The following SNX29 variants were observed in gnomAD, a reference collection of about 807,000 sequenced individuals.
SNX29 encodes sorting nexin 29, also known as sorting nexin-29.
A neutral mutation model predicts 102.1 loss-of-function variants in SNX29; 78 were observed. That is an observed-to-expected ratio of 0.76 (90% CI 0.64 to 0.92). SNX29 has a LOEUF of 0.92. SNX29 is among the 40% of genes least tolerant of loss of function. The pLI, the probability that SNX29 is intolerant of heterozygous loss-of-function variation, is 0.00. For missense variants in SNX29, 1,280 were observed against 1,061.7 expected (o/e 1.21, Z -2.86); for synonymous variants, 580 against 414.5 (o/e 1.40, Z -4.85).
At chr16:12,540,702 A>G (rs1282486114) in intron 20 of SNX29, among the ~76,000 whole-genome samples, 2 of 152,152 alleles carry the variant, frequency 1.3e-5, no homozygotes, top group African/African-American at 4.8e-5. Context: ...AAGCTCACAT[A>G]TGAAGACGCT....
chr16:12,099,307 C>T (rs1464796444), intron 11 of SNX29, among the ~76,000 whole-genome samples: 16 of 152,188 alleles, frequency 1.1e-4, no homozygotes, highest in Admixed American at 1.0e-3. Context: ...TCTTGTACTG[C>T]CCTTCTCCCT....
chr16:12,563,671 A>C (rs1193009941), intron 20 of SNX29, among the ~76,000 whole-genome samples: 2 of 152,144 alleles, frequency 1.3e-5, no homozygotes, highest in African/African-American at 2.4e-5. Context: ...ATTCCCCGAG[A>C]GCCCATGATG....
At chr16:12,552,978 G>C (rs543177499) in intron 20 of SNX29, among the ~76,000 whole-genome samples, 1 of 152,258 alleles carries the variant, frequency 6.6e-6, no homozygotes, top group Admixed American at 6.5e-5. Flanking sequence ...GAGTGCAGCA[G>C]GCACTGTCTG....
intron 15 of SNX29, among the ~76,000 whole-genome samples, chr16:12,312,739 A>G (rs541671876): frequency 2.6e-5 from 4 of 152,086 alleles, no homozygotes; most frequent in Non-Finnish European, 5.9e-5. Flanking sequence ...TTATAGGCCA[A>G]ATAACTTCCA....
In SNX29 at chr16:12,339,380, A is replaced by AAG. The variant is rs1243809874; in HGVS notation, c.1783-16782_1783-16781insGA. On this transcript the variant is annotated intron_variant, in intron 15 of 20. Transcript: ENST00000566228. ...AGTGAGATTCTGTCTCAAAAAAAAA[A>AAG]AAAAAAAAAAAAAAGATTATGGGTA... is the stretch of plus-strand genomic sequence containing the variant. 4.0e-5 allele frequency among the ~76,000 whole-genome samples: 6 copies of AAG among 150,736 alleles called. No individual in the cohort carries two copies. In the South Asian group the frequency reaches 1.3e-3, roughly 31 times the overall value.
intron 18 of SNX29, among the ~76,000 whole-genome samples, chr16:12,410,397 C>T (rs183691650): frequency 6.6e-6 from 1 of 152,104 alleles, no homozygotes; most frequent in Non-Finnish European, 1.5e-5. Flanking sequence ...AGTATCTGAA[C>T]TCTTCCCATC....
chr16:12,236,474 G>A (rs1181975008), intron 14 of SNX29, among the ~76,000 whole-genome samples: 1 of 152,196 alleles, frequency 6.6e-6, no homozygotes, highest in Admixed American at 6.5e-5. Context: ...TGCAATGGTT[G>A]GTGCCTAGAA....
chr16:12,539,926 G>C (rs764481246), intron 20 of SNX29, among the ~76,000 whole-genome samples: 7 of 152,288 alleles, frequency 4.6e-5, no homozygotes, highest in Admixed American at 2.0e-4. Context: ...GGAGTTCTTT[G>C]TATATGTTAG....
chr16:12,094,352 C>T (rs1410111676), intron 11 of SNX29, among the ~76,000 whole-genome samples: 1 of 152,196 alleles, frequency 6.6e-6, no homozygotes, highest in Non-Finnish European at 1.5e-5. Context: ...ATTAACAACA[C>T]CCTCAAAGGG....
chr16:12,508,146 C>T (rs1212319183), intron 19 of SNX29, among the ~76,000 whole-genome samples: 1 of 152,162 alleles, frequency 6.6e-6, no homozygotes, highest in Non-Finnish European at 1.5e-5. Context: ...CAGTAGCTGC[C>T]GTATTTTGAG....
chr16:12,156,074 C>A (rs572586178), intron 13 of SNX29, among the ~76,000 whole-genome samples: 2 of 152,244 alleles, frequency 1.3e-5, no homozygotes, highest in South Asian at 2.1e-4. Flanking sequence ...TGGCGCACAC[C>A]CCCCCACATC....
intron 13 of SNX29, among the ~76,000 whole-genome samples, chr16:12,139,979 T>TAA (rs144110763): frequency 1.6e-4 from 10 of 63,026 alleles, no homozygotes; most frequent in East Asian, 4.6e-4. Context: ...ATACCCTGTC[T>TAA]CAAAAAAAAA....
intron 19 of SNX29, among the ~76,000 whole-genome samples, chr16:12,483,197 T>C (rs2088051982): frequency 6.8e-6 from 1 of 146,530 alleles, no homozygotes; most frequent in African/African-American, 2.6e-5. Context: ...TTTGTAGAGA[T>C]GGCATTTCAC....
intron 18 of SNX29, among the ~76,000 whole-genome samples, chr16:12,424,546 T>C (rs1180753544): frequency 6.6e-6 from 1 of 152,192 alleles, no homozygotes; most frequent in Non-Finnish European, 1.5e-5. Context: ...TATTACTAAT[T>C]ACATCTAAAA....
chr16:12,540,890 C>A (rs949424255), intron 20 of SNX29, among the ~76,000 whole-genome samples: 1 of 152,226 alleles, frequency 6.6e-6, no homozygotes, highest in African/African-American at 2.4e-5. Context: ...GGACCCAGAG[C>A]TGGAGGGCTT....
intron 5 of SNX29, among the ~76,000 whole-genome samples, 184 bp from the exon 6 acceptor site, chr16:12,046,200 T>C (rs546512679): frequency 2.8e-3 from 425 of 152,300 alleles, no homozygotes; most frequent in Non-Finnish European, 4.6e-3. Context: ...AGTTGTAGGA[T>C]GTAAGTGTTC....
rs890894 is a variant in SNX29, at chr16:12,570,206, G to T, written c.*1577G>T. On this transcript the variant is annotated 3_prime_UTR_variant, in exon 21 of 21. Transcript: ENST00000566228. ...AGTCAGCCTACATGACTTCCAAGGGGACCTGGGGCCAGATAAGCCCTGCCC... is the reference window on the plus strand; with the variant it reads ...AGTCAGCCTACATGACTTCCAAGGGTACCTGGGGCCAGATAAGCCCTGCCC... 2.8e-6 allele frequency: 3 copies of T among 1,064,752 alleles called. No homozygotes were observed. The highest frequency in any genetic ancestry group is 3.4e-6 in the Non-Finnish European group (3 of 879,084). 66.0% of individuals were successfully genotyped at this position (1,064,752 alleles called of 1,614,324 possible).
chr16:12,494,472 G>C (rs1194934193), intron 19 of SNX29, among the ~76,000 whole-genome samples: 1 of 152,146 alleles, frequency 6.6e-6, no homozygotes, highest in Non-Finnish European at 1.5e-5. Context: ...AGGAACGTTG[G>C]GCCGCAGATT....
rs1353365290 is a variant in SNX29, at chr16:12,320,038, C to T, written c.1783-36125C>T. Among the ~76,000 whole-genome samples the T allele has an allele frequency of 3.9e-5, 6 of 152,150 alleles. 1 individual carries two copies. In the South Asian group the frequency reaches 1.0e-3, roughly 26 times the overall value. ...GCATCTCGTCACTGGTCTCCCTGCT[C>T]CTGGGGAGCTGCCACCTCTCTGCAG... On this transcript the variant is annotated intron_variant, in intron 15 of 20. Coordinates refer to ENST00000566228, the MANE Select transcript of SNX29 (RefSeq NM_032167.5).
Sources: allele counts gnomAD v4.1 joint callset (sites outside exome capture counted in the v4.1 genomes callset), GRCh38; gene constraint gnomAD v4.1.1; transcripts MANE v1.5; gene names NCBI Gene and HGNC (gene_info 2026-07-23, HGNC 2026-07-21).